Variants in ACAD9 observed in about 807,000 individuals in gnomAD.
The protein encoded by ACAD9 is acyl-CoA dehydrogenase family member 9, also known as complex I assembly factor ACAD9, mitochondrial.
ACAD9 carries 53 observed loss-of-function variants against 70.2 expected under a neutral mutation model. The observed-to-expected ratio is 0.75, with a 90% CI of 0.61 to 0.95. ACAD9 has a LOEUF of 0.95. ACAD9 is among the 40% of genes least tolerant of loss of function. ACAD9 has a pLI of 0.00. For missense variants in ACAD9, 777 were observed against 802.8 expected, an observed-to-expected ratio of 0.97 and a Z score of 0.39; for synonymous variants, 313 against 312.1, an observed-to-expected ratio of 1.00 and a Z score of -0.03.
chr3:128,910,294 GC>G, intron 16 of ACAD9, 145 bp downstream of exon 16: 1 of 1,508,804 alleles, frequency 6.6e-7, no homozygotes, highest in Non-Finnish European at 8.8e-7. Flanking sequence ...GAGGGTCTGT[GC>G]TGCTCAGGAG....
At chr3:128,887,576 C>G (rs1243075719) in intron 2 of ACAD9, among the ~76,000 whole-genome samples, 1 of 149,814 alleles carries the variant, frequency 6.7e-6, no homozygotes, top group Non-Finnish European at 1.5e-5. Flanking sequence ...CCATTGAGCT[C>G]CAGCCTGGGC....
intron 15 of ACAD9, chr3:128,909,697 TG>T: frequency 1.7e-6 from 1 of 600,036 alleles, no homozygotes; most frequent in African/African-American, 1.9e-5. Flanking sequence ...CAGCTCCACC[TG>T]GGGCCTGAAT....
intron 1 of ACAD9, among the ~76,000 whole-genome samples, chr3:128,884,198 A>G (rs1047612960): frequency 1.3e-5 from 2 of 152,224 alleles, no homozygotes; most frequent in East Asian, 3.8e-4. Flanking sequence ...TTCCACATCC[A>G]CTATCTTCCA....
chr3:128,908,174 A>G lies in ACAD9; in HGVS notation c.1279-11A>G. The G allele has an allele frequency of 1.2e-6, 2 of 1,613,878 alleles. No homozygotes were observed. The highest frequency in any genetic ancestry group is 1.3e-5 in the African/African-American group (1 of 75,034). The stretch of plus-strand genomic sequence containing the variant: ...GGGGGCAGCCTTTGACCTCTACACT[A>G]CTGACCACAGGGAACCAATGAGATT... On this transcript the variant is annotated splice_polypyrimidine_tract_variant and intron_variant, in intron 12 of 17. Coordinates refer to ENST00000308982, the MANE Select transcript of ACAD9 (RefSeq NM_014049.5).
rs188262655 is a variant in ACAD9 at position 128,903,906 on chromosome 3, G to A, written c.959-156G>A. ...GGTTCTCCTCTGACCCACGGGTGCT[G>A]GCAAGTGGGGGTGCCAGCTTCTGGG... On this transcript the variant is annotated intron_variant, in intron 9 of 17. Coordinates refer to ENST00000308982, the MANE Select transcript of ACAD9 (RefSeq NM_014049.5). Among the ~76,000 whole-genome samples the A allele has an allele frequency of 2.1e-4, 32 of 152,326 alleles. No individual in the cohort carries two copies. The East Asian group carries it at 6.0e-3, about 28-fold the overall frequency.
Position 128,912,741 on chromosome 3 carries a change from T to C in ACAD9, c.*134T>C. 3 of 876,240 alleles carry C rather than the reference T, an allele frequency of 3.4e-6. No homozygotes were observed. The highest frequency in any genetic ancestry group is 5.8e-6 in the Non-Finnish European group (3 of 520,802). The allele number at this position is 876,240 out of a possible 1,614,324, so 54.3% of individuals were successfully genotyped here. A position where few individuals can be genotyped will look rare whatever the true frequency, so the allele number is the denominator to read the frequency against. ...TTGTTCCCCGTCTGCACCTGAAGGG[T>C]TGTCGCCTGGCCTGGGAGAGCCTCT... On this transcript the variant is annotated 3_prime_UTR_variant, in exon 18 of 18. Transcript: ENST00000308982.
chr3:128,901,751 C>T (rs1197771099), intron 8 of ACAD9, among the ~76,000 whole-genome samples: 1 of 152,178 alleles, frequency 6.6e-6, no homozygotes, highest in Non-Finnish European at 1.5e-5. Flanking sequence ...TGACAAAGGA[C>T]TCACCATTTT....
At chr3:128,891,016 A>G (rs189306251) in intron 2 of ACAD9, among the ~76,000 whole-genome samples, 307 of 151,608 alleles carry the variant, frequency 2.0e-3, no homozygotes, top group Admixed American at 3.0e-3. Context: ...TAATTTTTAT[A>G]TTTTTTTAGT....
intron 16 of ACAD9, chr3:128,910,353 G>A (rs1217394949): frequency 6.8e-7 from 1 of 1,466,934 alleles, no homozygotes. Context: ...GAGGGGGTGA[G>A]TGACAGGGGT....
Position 128,896,551 on chromosome 3 carries a change from A to G in ACAD9, c.554+15A>G, listed in dbSNP as rs1232894104. 5.6e-6 allele frequency: 9 copies of G among 1,613,404 alleles called. No homozygotes were observed. The highest frequency in any genetic ancestry group is 2.2e-5 in the East Asian group (1 of 44,884). ...GAGCCAGCCAGGTCTGTCTCTGCAC[A>G]AAACGTTATCCCTCAGCAGCTGTGA... On this transcript the variant is annotated intron_variant, in intron 5 of 17. Transcript: ENST00000308982.
chr3:128,906,349 C>T (rs1377688654), intron 12 of ACAD9, 100 bp downstream of exon 12: 29 of 1,565,480 alleles, frequency 1.9e-5, no homozygotes, highest in Non-Finnish European at 2.3e-5. Context: ...CAGCCCAGGG[C>T]TGGGTCGCAT....
In ACAD9 at chr3:128,905,948, A is replaced by T. The variant is rs539989347; in HGVS notation, c.1150-173A>T. 3.3e-5 allele frequency among the ~76,000 whole-genome samples: 5 copies of T among 152,288 alleles called. No individual in the cohort carries two copies. The South Asian group carries it at 1.0e-3, about 32-fold the overall frequency. ...AGAAGGTCATGGTGGGGTAGGGAAC[A>T]CAAGCTGGCCAGTGTGGTCACGGAA... On this transcript the variant is annotated intron_variant, in intron 11 of 17. Coordinates refer to ENST00000308982, the MANE Select transcript of ACAD9 (RefSeq NM_014049.5).
At chr3:128,891,999 C>T (rs1006288405) in intron 2 of ACAD9, among the ~76,000 whole-genome samples, 6 of 152,140 alleles carry the variant, frequency 3.9e-5, no homozygotes, top group Admixed American at 1.3e-4. Flanking sequence ...CGCAACAACA[C>T]GGGTGAATCT....
chr3:128,906,288 C>A (rs749828741), intron 12 of ACAD9, 39 bp downstream of exon 12: 5 of 1,612,338 alleles, frequency 3.1e-6, no homozygotes, highest in Non-Finnish European at 4.2e-6. Context: ...TGCTCCACCC[C>A]CACCCTGCCT....
rs1267385882 is a variant in ACAD9 at position 128,904,110 on chromosome 3, T to C, written c.1007T>C (p.Leu336Pro). Residue 336 changes from leucine to proline, a missense_variant, in exon 10 of 18, where the codon CTC becomes CCC. Leu to Pro is a moderately conservative substitution (Grantham distance 98, BLOSUM62 -3). Coordinates refer to ENST00000308982, the MANE Select transcript of ACAD9 (RefSeq NM_014049.5). The stretch of plus-strand genomic sequence containing the variant: ...ACAAGGAAACAGTTTAACAAGAGGC[T>C]CAGTGAATTTGGATTGATTCAGGTA... ...ACTRKQFNKR[L>P]SEFGLIQEKF... 1.2e-6 allele frequency: 2 copies of C among 1,614,094 alleles called. No individual in the cohort carries two copies. The highest frequency in any genetic ancestry group is 1.7e-6 in the Non-Finnish European group (2 of 1,180,042).
intron 7 of ACAD9, 62 bp downstream of exon 7, chr3:128,899,523 GGTGTGTGTGTGTGTGTGTGT>G (rs63473460): frequency 1.7e-5 from 18 of 1,067,768 alleles, no homozygotes; most frequent in South Asian, 1.4e-4. Flanking sequence ...GGCCTTTGAC[GGTGTGTGTGTGTGTGTGTGT>G]GTGTGTGTGT....
At chr3:128,907,039 G>T (rs1007538581) in intron 12 of ACAD9, among the ~76,000 whole-genome samples, 1 of 152,196 alleles carries the variant, frequency 6.6e-6, no homozygotes, top group Non-Finnish European at 1.5e-5. Context: ...GGGCTCTCCT[G>T]CTGGGAGGGA....
At chr3:128,892,351 C>T (rs762963578) in intron 2 of ACAD9, among the ~76,000 whole-genome samples, 12 of 152,114 alleles carry the variant, frequency 7.9e-5, no homozygotes, top group Non-Finnish European at 1.2e-4. Flanking sequence ...CTGTAGTTCT[C>T]TTAGTGACCC....
chr3:128,905,997 C>T (rs1935876574), intron 11 of ACAD9, 124 bp from the exon 12 acceptor site: 3 of 1,311,806 alleles, frequency 2.3e-6, no homozygotes, highest in East Asian at 4.7e-5. Flanking sequence ...ACCACATCAC[C>T]CCTCAAGTTC....
Sources: gnomAD v4.1 joint callset for allele counts (sites outside exome capture counted in the v4.1 genomes callset) on GRCh38, gnomAD v4.1.1 for gene constraint, MANE v1.5 for transcripts, NCBI Gene and HGNC (gene_info 2026-07-23, HGNC 2026-07-21) for gene names.